The following TRIM66 variants were observed in gnomAD, a reference collection of about 807,000 sequenced individuals.
The protein encoded by TRIM66 is tripartite motif containing 66, also known as tripartite motif-containing protein 66.
TRIM66 carries 99 observed loss-of-function variants against 148.2 expected under a neutral mutation model. That is an observed-to-expected ratio of 0.67 (90% CI 0.57 to 0.79). The LOEUF (loss-of-function observed/expected upper bound fraction) is 0.79. TRIM66 is among the 30% of genes least tolerant of loss of function. The pLI, the probability that TRIM66 is intolerant of heterozygous loss-of-function variation, is 0.00. For missense variants in TRIM66, 1,666 were observed against 1,697.9 expected (o/e 0.98, Z 0.33); for synonymous variants, 616 against 635.9 (o/e 0.97, Z 0.47).
chr11:8,669,606 G>A (rs1286234066), intron 6 of TRIM66, among the ~76,000 whole-genome samples: 5 of 149,788 alleles, frequency 3.3e-5, no homozygotes, highest in Non-Finnish European at 7.4e-5. Context: ...TCGCACCACT[G>A]CACTCCAGCC....
At chr11:8,682,932 G>A, upstream of TRIM66, 1 of 1,372,478 alleles carries the variant, frequency 7.3e-7, no homozygotes, top group South Asian at 1.4e-5. Flanking sequence ...GCTGCGCATG[G>A]CCGCCTGCGG....
intron 21 of TRIM66, 88 bp downstream of exon 21, chr11:8,620,358 C>A: frequency 6.6e-7 from 1 of 1,515,248 alleles, no homozygotes; most frequent in South Asian, 1.3e-5. Flanking sequence ...CAGAAAAGCC[C>A]CTCATCCCCT....
chr11:8,681,829 T>A (rs1749244507), intron 1 of TRIM66, among the ~76,000 whole-genome samples: 1 of 151,914 alleles, frequency 6.6e-6, no homozygotes, highest in African/African-American at 2.4e-5. Context: ...GTGGTACAGG[T>A]GGGGAAGCGA....
Position 8,643,021 on chromosome 11 carries a change from G to C in TRIM66, c.1210C>G (p.Leu404Val). Residue 404 changes from leucine to valine, a missense_variant, in exon 13 of 25, where the codon CTA becomes GTA. By Grantham distance (32) the Leu-to-Val change is conservative. Coordinates refer to ENST00000646038, the MANE Select transcript of TRIM66 (RefSeq NM_001388022.1). ...GGTCCAAGCTCACCAAGAGAAGCTAGCTGCTTGGTCCAGAAGTTAGGCTCC... is the reference window on the plus strand; with the variant it reads ...GGTCCAAGCTCACCAAGAGAAGCTACCTGCTTGGTCCAGAAGTTAGGCTCC... ...TWEPNFWTKQLASLGCITTEG... is the reference protein window; with the variant it reads ...TWEPNFWTKQVASLGCITTEG... 3 of 1,550,576 alleles carry C rather than the reference G, an allele frequency of 1.9e-6. No individual in the cohort carries two copies. Among genetic ancestry groups the C allele is most frequent in the Non-Finnish European group, 1.7e-6 (2 of 1,146,414 alleles).
At chr11:8,646,849 A>C (rs2036889193) in intron 10 of TRIM66, among the ~76,000 whole-genome samples, 1 of 151,876 alleles carries the variant, frequency 6.6e-6, no homozygotes, top group South Asian at 2.1e-4. Flanking sequence ...CAAAAGAGAA[A>C]GTATGGGAAT....
intron 15 of TRIM66, among the ~76,000 whole-genome samples, chr11:8,625,539 T>C (rs2034753102): frequency 6.6e-6 from 1 of 150,972 alleles, no homozygotes; most frequent in Non-Finnish European, 1.5e-5. Context: ...ACCTGAGGCA[T>C]GTACACACAC....
At chr11:8,668,602 T>C (rs1351794578) in intron 6 of TRIM66, among the ~76,000 whole-genome samples, 1 of 151,958 alleles carries the variant, frequency 6.6e-6, no homozygotes, top group African/African-American at 2.4e-5. Flanking sequence ...TTTTTTTTTT[T>C]TGAGATGGAG....
chr11:8,646,360 C>T (rs2036845807), intron 11 of TRIM66, 87 bp downstream of exon 11: 1 of 1,079,312 alleles, frequency 9.3e-7, no homozygotes, highest in Non-Finnish European at 1.4e-6. Context: ...ATCTGAATTA[C>T]AGCCTAGGCT....
At chr11:8,642,912 G>T in intron 13 of TRIM66, 97 bp downstream of exon 13, 1 of 511,814 alleles carries the variant, frequency 2.0e-6, no homozygotes, top group Non-Finnish European at 3.1e-6. Context: ...CCCAGAGAGT[G>T]CTTTCTCTTG....
chr11:8,665,438 G>C (rs555854562), intron 6 of TRIM66, among the ~76,000 whole-genome samples: 12 of 152,324 alleles, frequency 7.9e-5, no homozygotes, highest in Admixed American at 3.3e-4. Flanking sequence ...TCCTTTGCTT[G>C]AACTTTAAAC....
chr11:8,634,041 T>C (rs761351754), intron 15 of TRIM66, among the ~76,000 whole-genome samples: 5 of 152,182 alleles, frequency 3.3e-5, no homozygotes, highest in Non-Finnish European at 7.3e-5. Flanking sequence ...AGCCGCATGC[T>C]GGTGGCCTCG....
intron 4 of TRIM66, among the ~76,000 whole-genome samples, chr11:8,673,269 A>G (rs966941100): frequency 2.0e-5 from 3 of 152,120 alleles, no homozygotes; most frequent in Admixed American, 6.5e-5. Flanking sequence ...TGAGGTCCAC[A>G]CACATATTTT....
Position 8,613,775 on chromosome 11 carries a change from G to A in TRIM66, c.*4169C>T, listed in dbSNP as rs1055918850. 6.6e-6 allele frequency: 1 copy of A among 152,228 alleles called. No homozygotes were observed. The highest frequency in any genetic ancestry group is 1.5e-5 in the Non-Finnish European group (1 of 68,104). The allele number at this position is 152,228 out of a possible 1,614,324, so 9.4% of individuals were successfully genotyped here. A position where few individuals can be genotyped will look rare whatever the true frequency, so the allele number is the denominator to read the frequency against. ...GTTACAGACACAGATGAATGAGAGGGGAGAGAGGAACAGCAGGCAAGGAAG... is the reference window on the plus strand; with the variant it reads ...GTTACAGACACAGATGAATGAGAGGAGAGAGAGGAACAGCAGGCAAGGAAG... On this transcript the variant is annotated 3_prime_UTR_variant, in exon 25 of 25. Coordinates refer to ENST00000646038, the MANE Select transcript of TRIM66 (RefSeq NM_001388022.1).
In TRIM66 at chr11:8,625,155, C is replaced by T. The variant is rs912972630; in HGVS notation, c.2384G>A (p.Arg795Lys). 3.9e-6 allele frequency: 6 copies of T among 1,546,296 alleles called. No individual in the cohort carries two copies. Among genetic ancestry groups the T allele is most frequent in the Non-Finnish European group, 5.2e-6 (6 of 1,143,456 alleles). ...EMELSSTRLE[R>K]PLEPQIQSVS... ...ACTCTGGATCTGTGGCTCTAGGGGC[C>T]TCTCCAACCTGGTAGATGACAACTC... The change falls in exon 16 of 25, where the codon AGG (arginine) becomes AAG (lysine). Residue 795 changes from arginine (R) to lysine (K), a missense_variant. By Grantham distance (26) the Arg-to-Lys change is conservative. Transcript: ENST00000646038.
chr11:8,645,247 C>G (rs1443210641), intron 12 of TRIM66, among the ~76,000 whole-genome samples: 4 of 152,176 alleles, frequency 2.6e-5, no homozygotes, highest in Non-Finnish European at 4.4e-5. Flanking sequence ...ACTACAGGCA[C>G]CTTAGATTCA....
chr11:8,624,615 A>G, intron 16 of TRIM66, 64 bp from the exon 17 acceptor site: 1 of 1,485,954 alleles, frequency 6.7e-7, no homozygotes, highest in Non-Finnish European at 9.0e-7. Flanking sequence ...TAGTGGTCTC[A>G]GAACTGTTAA....
chr11:8,633,271 G>A (rs1184468258), intron 15 of TRIM66, among the ~76,000 whole-genome samples: 1 of 151,914 alleles, frequency 6.6e-6, no homozygotes, highest in African/African-American at 2.4e-5. Flanking sequence ...GCGGTGAGCC[G>A]AGATCGTGCC....
chr11:8,651,800 C>A lies in TRIM66; in HGVS notation c.444G>T (p.Arg148Ser). ...CVPTEQPKMA[R>S]NCSECKEKRA... ...TGCTTCTTTCCTTGTCCTGACTTACCCTGGCCATCTTGGGTTGCTCAGTAG... is the reference window on the plus strand; with the variant it reads ...TGCTTCTTTCCTTGTCCTGACTTACACTGGCCATCTTGGGTTGCTCAGTAG... Residue 148 changes from arginine to serine, a missense_variant and splice_region_variant, in exon 7 of 25, where the codon AGG (arginine) becomes AGT (serine). Arg to Ser is a moderately radical substitution (Grantham distance 110). Transcript: ENST00000646038. The A allele has an allele frequency of 6.4e-7, 1 of 1,551,580 alleles. No individual in the cohort carries two copies. The highest frequency in any genetic ancestry group is 8.7e-7 in the Non-Finnish European group (1 of 1,146,880).
chr11:8,673,384 T>TG (rs1565578489), intron 4 of TRIM66, among the ~76,000 whole-genome samples: 1 of 152,204 alleles, frequency 6.6e-6, no homozygotes. Context: ...AATATGATTT[T>TG]GGGGGTAGTG....
Sources: gnomAD v4.1 joint callset for allele counts (sites outside exome capture counted in the v4.1 genomes callset) on GRCh38, gnomAD v4.1.1 for gene constraint, MANE v1.5 for transcripts, NCBI Gene and HGNC (gene_info 2026-07-23, HGNC 2026-07-21) for gene names.